PHOX2A: variants seen among roughly 807,000 people sequenced by gnomAD.
The protein encoded by PHOX2A is paired like homeobox 2A.
A neutral mutation model predicts 16.4 loss-of-function variants in PHOX2A; 10 were observed. The observed-to-expected ratio is 0.61, with a 90% CI of 0.38 to 1.04. The LOEUF is 1.04. Ranked by LOEUF, PHOX2A falls within the 50% of genes least tolerant of loss-of-function variation. The probability of loss-of-function intolerance (pLI) is 0.01; values close to 1 mark genes in which losing one functional copy is unlikely to be tolerated. For synonymous variants in PHOX2A, 219 were observed against 203.8 expected (o/e 1.07, Z -0.64); for missense variants, 361 against 419.4 (o/e 0.86, Z 1.22).
At chr11:72,241,312 C>CG (rs373067213) in intron 1 of PHOX2A, 23 bp from the exon 2 acceptor site, 26,787 of 395,840 alleles carry the variant, frequency 0.068, 580 homozygotes, top group African/African-American at 0.21. Context: ...GCAGGGGGGC[C>CG]GGGGGGGGGG....
rs1949096073 is a variant in PHOX2A, at chr11:72,239,652, G to A, written c.*97C>T. 9 of 949,530 alleles carry A rather than the reference G, an allele frequency of 9.5e-6. No individual in the cohort carries two copies. Among genetic ancestry groups the A allele is most frequent in the Non-Finnish European group, 1.3e-5 (9 of 713,708 alleles). The allele number at this position is 949,530 out of a possible 1,614,324, so 58.8% of individuals were successfully genotyped here. A position where few individuals can be genotyped will look rare whatever the true frequency, so the allele number is the denominator to read the frequency against. On this transcript the variant is annotated 3_prime_UTR_variant, in exon 3 of 3. Coordinates refer to ENST00000298231, the MANE Select transcript of PHOX2A (RefSeq NM_005169.4). The stretch of plus-strand genomic sequence containing the variant: ...ACAGTAGGGAGTGGAGACGGATGGG[G>A]ACTTCCAGGCGGGTGGCCAGGATGG...
intron 1 of PHOX2A, 33 bp from the exon 2 acceptor site, chr11:72,241,322 G>A: frequency 1.1e-5 from 7 of 626,558 alleles, no homozygotes; most frequent in Admixed American, 2.6e-5. Context: ...CGGGGGGGGG[G>A]CAAAAAGGAT....
In PHOX2A at chr11:72,239,970, C is replaced by CG; in HGVS notation, c.633dup (p.Val212ArgfsTer41). 2 of 1,311,810 alleles carry CG rather than the reference C, an allele frequency of 1.5e-6. No homozygotes were observed. The highest frequency in any genetic ancestry group is 2.5e-5 in the South Asian group (1 of 39,786). 81.3% of individuals were successfully genotyped at this position (1,311,810 alleles called of 1,614,324 possible). A position where few individuals can be genotyped will look rare whatever the true frequency, so the allele number is the denominator to read the frequency against. ...GGTCCCGGCCCGGAGCCCAGTGCGA[C>CG]GGGCAGCGGGCTGGGGCTCAGGCGC... is the stretch of plus-strand genomic sequence containing the variant. On this transcript the variant is annotated frameshift_variant, in exon 3 of 3. Transcript: ENST00000298231. LOFTEE classifies it high-confidence loss of function.
intron 1 of PHOX2A, 130 bp from the exon 2 acceptor site, chr11:72,241,419 T>C (rs1284394001): frequency 9.4e-6 from 6 of 638,828 alleles, no homozygotes. Flanking sequence ...ATCCCTCGTC[T>C]TGGTCCCGGC....
Position 72,244,047 on chromosome 11 carries a change from G to T in PHOX2A, c.-43C>A. ...GCGGGGGCCGGGCCAGGCCGGGTCG[G>T]GGTCGGGGTCCGGGTGGAGGTCGGA... On this transcript the variant is annotated 5_prime_UTR_variant, in exon 1 of 3. Transcript: ENST00000298231. 2 of 1,027,254 alleles carry T rather than the reference G, an allele frequency of 1.9e-6. No individual in the cohort carries two copies. The highest frequency in any genetic ancestry group is 4.8e-5 in the South Asian group (1 of 20,736). 63.6% of individuals were successfully genotyped at this position (1,027,254 alleles called of 1,614,324 possible). A position where few individuals can be genotyped will look rare whatever the true frequency, so the allele number is the denominator to read the frequency against.
chr11:72,239,686 G>T lies in PHOX2A; in HGVS notation c.*63C>A. The T allele has an allele frequency of 3.3e-6, 4 of 1,228,652 alleles. No homozygotes were observed. The highest frequency in any genetic ancestry group is 4.2e-6 in the Non-Finnish European group (4 of 959,324). The allele number at this position is 1,228,652 out of a possible 1,614,324, so 76.1% of individuals were successfully genotyped here. ...GCGGGTGGCCAGGATGGGAGGGGCT[G>T]TCAGGTCCTGGAGGGGCAGGGACGT... On this transcript the variant is annotated 3_prime_UTR_variant, in exon 3 of 3. Transcript: ENST00000298231.
chr11:72,239,127 T>G lies in PHOX2A; in HGVS notation c.*622A>C, dbSNP rs1949085381. ...TGGATTGAGTAAAACTTCAATAAAT[T>G]ACAAGTTTTTCAAAGAAAAAGGACA... On this transcript the variant is annotated 3_prime_UTR_variant, in exon 3 of 3. Transcript: ENST00000298231. 3 of 152,078 alleles carry G rather than the reference T, an allele frequency of 2.0e-5. No homozygotes were observed. Among genetic ancestry groups the G allele is most frequent in the Admixed American group, 2.0e-4 (3 of 15,264 alleles). 9.4% of individuals were successfully genotyped at this position (152,078 alleles called of 1,614,324 possible).
At chr11:72,240,504 A>G (rs531795712) in intron 2 of PHOX2A, among the ~76,000 whole-genome samples, 2 of 152,036 alleles carry the variant, frequency 1.3e-5, no homozygotes, top group East Asian at 3.9e-4. Context: ...TCTTCCCCCA[A>G]TTCCTTCTTT....
chr11:72,242,183 T>C (rs906669469), intron 1 of PHOX2A, among the ~76,000 whole-genome samples: 2 of 152,006 alleles, frequency 1.3e-5, no homozygotes, highest in Non-Finnish European at 2.9e-5. Flanking sequence ...CAGTCTCCAC[T>C]GCCCCATAGG....
chr11:72,242,497 C>T (rs1243352330), intron 1 of PHOX2A, among the ~76,000 whole-genome samples: 4 of 152,116 alleles, frequency 2.6e-5, no homozygotes, highest in African/African-American at 9.7e-5. Flanking sequence ...GTCTCAAAAC[C>T]CTGTATCTCT....
At chr11:72,243,252 C>G (rs1381867876) in intron 1 of PHOX2A, among the ~76,000 whole-genome samples, 1 of 152,168 alleles carries the variant, frequency 6.6e-6, no homozygotes, top group Non-Finnish European at 1.5e-5. Context: ...GTTTTGGTGG[C>G]TACAGAAGGG....
Position 72,242,583 on chromosome 11 carries a change from T to C in PHOX2A, c.217+1205A>G, listed in dbSNP as rs530858670. 2.6e-5 allele frequency among the ~76,000 whole-genome samples: 4 copies of C among 152,178 alleles called. No individual in the cohort carries two copies. In the South Asian group the frequency reaches 8.3e-4, roughly 32 times the overall value. On this transcript the variant is annotated intron_variant, in intron 1 of 2. Coordinates refer to ENST00000298231, the MANE Select transcript of PHOX2A (RefSeq NM_005169.4). Reference sequence around the variant, plus strand: ...CCCAATCTCCCCACCCTGGGCCTCATTTCTCCAAATCCAGGTTCTCATTTC... The same window carrying C: ...CCCAATCTCCCCACCCTGGGCCTCACTTCTCCAAATCCAGGTTCTCATTTC...
rs1219727225 is a variant in PHOX2A, at chr11:72,239,548, C to T, written c.*201G>A. On this transcript the variant is annotated 3_prime_UTR_variant, in exon 3 of 3. Transcript: ENST00000298231. ...AGGTCCCGGTATAAAGAACTCCGCT[C>T]TGCTGGTAGAGGGTGGGTGAGGACG... is the stretch of plus-strand genomic sequence containing the variant. 4 of 408,910 alleles carry T rather than the reference C, an allele frequency of 9.8e-6. No homozygotes were observed. Among genetic ancestry groups the T allele is most frequent in the Non-Finnish European group, 1.7e-5 (4 of 233,668 alleles). The allele number at this position is 408,910 out of a possible 1,614,324, so 25.3% of individuals were successfully genotyped here.
rs1949117323 is a variant in PHOX2A, at chr11:72,241,180, G to A, written c.327C>T (p.Phe109=). Residue 109 remains phenylalanine, a synonymous_variant, in exon 2 of 3, where the codon TTC becomes TTT. Transcript: ENST00000298231. ...AAATGTCGGGGTAGTGGGTCTCAGC[G>A]AAAACGCGCTCCAGCTCCTTGAGCT... ...SAQLKELERV[F]AETHYPDIYT... The A allele has an allele frequency of 8.1e-6, 13 of 1,613,814 alleles. No homozygotes were observed. Among genetic ancestry groups the A allele is most frequent in the Non-Finnish European group, 1.1e-5 (13 of 1,180,030 alleles).
chr11:72,239,788 G>T lies in PHOX2A; in HGVS notation c.816C>A (p.His272Gln). ...TCTTCAGGGCGGGGCCGGGCTTCCG[G>T]TGAAAGGAGGACAGAACCCCGGAGA... ...GPFSGVLSSF[H>Q]RKPGPALKTN... The change falls in exon 3 of 3, where the codon CAC becomes CAA. Residue 272 changes from histidine to glutamine, a missense_variant. His to Gln is a conservative substitution (Grantham distance 24). Transcript: ENST00000298231. 1 of 1,340,740 alleles carries T rather than the reference G, an allele frequency of 7.5e-7. No individual in the cohort carries two copies. Among genetic ancestry groups the T allele is most frequent in the African/African-American group, 1.5e-5 (1 of 66,624 alleles). The allele number at this position is 1,340,740 out of a possible 1,614,324, so 83.1% of individuals were successfully genotyped here. A position where few individuals can be genotyped will look rare whatever the true frequency, so the allele number is the denominator to read the frequency against.
In PHOX2A at chr11:72,239,935, C is replaced by CCCCGGCCCAGGT. The variant is rs778931923; in HGVS notation, c.657_668dup (p.Gly221_Pro224dup). On this transcript the variant is annotated inframe_insertion, in exon 3 of 3. Transcript: ENST00000298231. ...ACAGTGCGCCCTTGAGCGGCTGTGG[C>CCCCGGCCCAGGT]CCCGGCCCAGGTCCCGGCCCGGAGC... 2 of 1,301,654 alleles carry CCCCGGCCCAGGT rather than the reference C, an allele frequency of 1.5e-6. No individual in the cohort carries two copies. The highest frequency in any genetic ancestry group is 2.0e-6 in the Non-Finnish European group (2 of 1,024,300). The allele number at this position is 1,301,654 out of a possible 1,614,324, so 80.6% of individuals were successfully genotyped here.
chr11:72,242,185 C>T (rs1565403341), intron 1 of PHOX2A, among the ~76,000 whole-genome samples: 2 of 152,190 alleles, frequency 1.3e-5, no homozygotes, highest in Admixed American at 6.5e-5. Context: ...GTCTCCACTG[C>T]CCCATAGGTA....
intron 2 of PHOX2A, 135 bp from the exon 3 acceptor site, chr11:72,240,333 G>GGCCCTCCGCACGCA: frequency 1.6e-6 from 2 of 1,219,676 alleles, no homozygotes; most frequent in Non-Finnish European, 2.2e-6. Flanking sequence ...AGGGGCCTTC[G>GGCCCTCCGCACGCA]GCCCTCCGCA....
chr11:72,239,805 C>G lies in PHOX2A; in HGVS notation c.799G>C (p.Val267Leu), dbSNP rs758767848. 2 of 1,356,528 alleles carry G rather than the reference C, an allele frequency of 1.5e-6. No homozygotes were observed. Among genetic ancestry groups the G allele is most frequent in the Admixed American group, 6.1e-5 (2 of 32,814 alleles). 84.0% of individuals were successfully genotyped at this position (1,356,528 alleles called of 1,614,324 possible). ...GGCTTCCGGTGAAAGGAGGACAGAA[C>G]CCCGGAGAAGGGCCCGGGGCCGGAC... ...AESGPGPFSG[V>L]LSSFHRKPGP... The change falls in exon 3 of 3, where the codon GTT (valine) becomes CTT (leucine). Residue 267 changes from valine (V) to leucine (L), a missense_variant. Physicochemically the swap from Val to Leu is conservative, Grantham distance 32. Transcript: ENST00000298231.
Sources: allele counts gnomAD v4.1 joint callset (sites outside exome capture counted in the v4.1 genomes callset), GRCh38; gene constraint gnomAD v4.1.1; transcripts MANE v1.5; gene names NCBI Gene and HGNC (gene_info 2026-07-23, HGNC 2026-07-21).